SPRR2G: variants seen among roughly 807,000 people sequenced by gnomAD.
SPRR2G encodes the protein small proline-rich protein 2G.
In SPRR2G, 1 loss-of-function variant was observed where a neutral mutation model predicts 0.7. The observed-to-expected ratio is 1.49, with a 90% CI of 0.53 to 7.06. SPRR2G has a LOEUF of 7.06. Ranked by LOEUF, SPRR2G falls within the 30% of genes most tolerant of loss-of-function variation. The probability of loss-of-function intolerance (pLI) is 0.14; values close to 1 mark genes in which losing one functional copy is unlikely to be tolerated. For synonymous variants in SPRR2G, 38 were observed against 33.9 expected (o/e 1.12, Z -0.42); for missense variants, 96 against 88.5 (o/e 1.09, Z -0.34).
the SPRR2G span, among the ~76,000 whole-genome samples, chr1:153,194,354 A>G: frequency 6.6e-6 from 1 of 152,212 alleles, no homozygotes; most frequent in Non-Finnish European, 1.5e-5. Context: ...CTCCCATCAA[A>G]TTATTCTCCA....
At chr1:153,190,791 T>A in the SPRR2G span, 1 of 152,218 alleles carries the variant, frequency 6.6e-6, no homozygotes, top group East Asian at 1.9e-4. Context: ...GTTTGTATTT[T>A]CTCCCTAATA....
At chr1:153,170,312 A>C in the SPRR2G span, among the ~76,000 whole-genome samples, 7 of 152,304 alleles carry the variant, frequency 4.6e-5, no homozygotes, top group Admixed American at 3.3e-4. Context: ...AATTTCTAGA[A>C]TTTTAATTAA....
At chr1:153,174,211 A>C in the SPRR2G span, among the ~76,000 whole-genome samples, 17 of 152,242 alleles carry the variant, frequency 1.1e-4, no homozygotes, top group Admixed American at 9.2e-4. Flanking sequence ...TAGAATTTAA[A>C]GAGCAGGCTA....
At chr1:153,179,290 T>C in the SPRR2G span, among the ~76,000 whole-genome samples, 132 of 152,264 alleles carry the variant, frequency 8.7e-4, no homozygotes, top group African/African-American at 3.1e-3. Flanking sequence ...CAGCAACACC[T>C]AGATTAGTAT....
chr1:153,152,431 T>C (rs1656491622), upstream of SPRR2G, among the ~76,000 whole-genome samples: 1 of 152,082 alleles, frequency 6.6e-6, no homozygotes, highest in African/African-American at 2.4e-5. Context: ...CTGTGTTGTA[T>C]CTGCAATGTT....
chr1:153,186,271 T>C, the SPRR2G span, among the ~76,000 whole-genome samples: 1 of 152,194 alleles, frequency 6.6e-6, no homozygotes, highest in Non-Finnish European at 1.5e-5. Flanking sequence ...AATATCCTTG[T>C]TAATTTTCTG....
At chr1:153,180,963 A>G in the SPRR2G span, among the ~76,000 whole-genome samples, 18 of 151,746 alleles carry the variant, frequency 1.2e-4, no homozygotes, top group East Asian at 1.5e-3. Flanking sequence ...CTATTTGCTC[A>G]TTTCTTGTTT....
At chr1:153,168,904 A>ATATGTGTG in the SPRR2G span, among the ~76,000 whole-genome samples, 9 of 148,166 alleles carry the variant, frequency 6.1e-5, no homozygotes, top group Non-Finnish European at 1.2e-4. Flanking sequence ...TCATGAGTGT[A>ATATGTGTG]TGTGTGTGTG....
chr1:153,166,589 G>C, the SPRR2G span, among the ~76,000 whole-genome samples: 1 of 152,060 alleles, frequency 6.6e-6, no homozygotes, highest in South Asian at 2.1e-4. Flanking sequence ...GCAGAATTGG[G>C]CCTCTGGACA....
At chr1:153,160,519 T>C in the SPRR2G span, among the ~76,000 whole-genome samples, 71,333 of 146,144 alleles carry the variant, frequency 0.49, 17,564 homozygotes, top group Non-Finnish European at 0.56. Flanking sequence ...GCCAACAGTA[T>C]GTAAGTGCTC....
At chr1:153,157,045 GC>G in the SPRR2G span, among the ~76,000 whole-genome samples, 1 of 152,134 alleles carries the variant, frequency 6.6e-6, no homozygotes, top group African/African-American at 2.4e-5. Flanking sequence ...TACTGCCACT[GC>G]CCAGCATCAC....
chr1:153,193,626 G>A, the SPRR2G span, among the ~76,000 whole-genome samples: 1 of 152,088 alleles, frequency 6.6e-6, no homozygotes, highest in African/African-American at 2.4e-5. Context: ...AGAGATGGTG[G>A]GATTGGGGTG....
chr1:153,165,903 C>T, the SPRR2G span, among the ~76,000 whole-genome samples: 1 of 152,172 alleles, frequency 6.6e-6, no homozygotes, highest in Non-Finnish European at 1.5e-5. Flanking sequence ...ATGGCCCCAC[C>T]AATAGCAGTG....
At chr1:153,181,670 T>C in the SPRR2G span, among the ~76,000 whole-genome samples, 1 of 152,024 alleles carries the variant, frequency 6.6e-6, no homozygotes, top group East Asian at 1.9e-4. Flanking sequence ...CAGGTGATCA[T>C]TGTCTTTCTG....
chr1:153,186,203 G>A, the SPRR2G span, among the ~76,000 whole-genome samples: 2 of 152,194 alleles, frequency 1.3e-5, no homozygotes, highest in Admixed American at 1.3e-4. Context: ...GATTTGGGGT[G>A]AAGAGTTCTG....
chr1:153,151,625 A>G (rs1307676881), upstream of SPRR2G, among the ~76,000 whole-genome samples: 3 of 152,080 alleles, frequency 2.0e-5, no homozygotes, highest in Non-Finnish European at 4.4e-5. Flanking sequence ...TAGAAATCCA[A>G]ACTCATCTTC....
the SPRR2G span, among the ~76,000 whole-genome samples, chr1:153,183,522 G>C: frequency 3.3e-3 from 502 of 152,082 alleles, 5 homozygotes; most frequent in African/African-American, 0.011. Flanking sequence ...GTCTTCTTTT[G>C]ACAAGTGTCT....
chr1:153,197,244 A>G, the SPRR2G span, among the ~76,000 whole-genome samples: 1 of 151,774 alleles, frequency 6.6e-6, no homozygotes, highest in Non-Finnish European at 1.5e-5. Context: ...GGGGAGATGG[A>G]CACTCGCTGA....
At chr1:153,183,980 C>T in the SPRR2G span, among the ~76,000 whole-genome samples, 1 of 152,052 alleles carries the variant, frequency 6.6e-6, no homozygotes, top group African/African-American at 2.4e-5. Context: ...TAGGGAATTC[C>T]TTCCCCATTG....
Sources: allele counts gnomAD v4.1 joint callset (sites outside exome capture counted in the v4.1 genomes callset), GRCh38; gene constraint gnomAD v4.1.1; transcripts MANE v1.5; gene names NCBI Gene and HGNC (gene_info 2026-07-23, HGNC 2026-07-21).